The following CD74 variants were observed in gnomAD, a reference collection of about 807,000 sequenced individuals.
CD74 encodes the protein HLA class II histocompatibility antigen gamma chain.
CD74 carries 20 observed loss-of-function variants against 37.1 expected under a neutral mutation model. The observed-to-expected ratio is 0.54, with a 90% CI of 0.38 to 0.78. The LOEUF (loss-of-function observed/expected upper bound fraction) is 0.78. Ranked by LOEUF, CD74 falls within the 30% of genes least tolerant of loss-of-function variation. The pLI, the probability that CD74 is intolerant of heterozygous loss-of-function variation, is 0.00. For synonymous variants in CD74, 150 were observed against 152.0 expected, an observed-to-expected ratio of 0.99 and a Z score of 0.10; for missense variants, 338 against 389.5, an observed-to-expected ratio of 0.87 and a Z score of 1.11.
rs1451511718 is a variant in CD74 at position 150,402,986 on chromosome 5, G to C, written c.817+135C>G. Reference sequence around the variant, plus strand: ...TGGGTGGATGGATAAAGGGCTGGACGCATGACTACGTCACTGCCCCCAGGA... The same window carrying C: ...TGGGTGGATGGATAAAGGGCTGGACCCATGACTACGTCACTGCCCCCAGGA... On this transcript the variant is annotated intron_variant, in intron 7 of 8. Transcript: ENST00000009530. The surrounding 1 kb of genome is among the most constrained non-coding windows in gnomAD (Gnocchi z 4.2). The C allele has an allele frequency of 5.9e-6, 4 of 677,804 alleles. No homozygotes were observed. The highest frequency in any genetic ancestry group is 1.0e-5 in the Non-Finnish European group (4 of 395,466). The allele number at this position is 677,804 out of a possible 1,614,324, so 42.0% of individuals were successfully genotyped here. A position where few individuals can be genotyped will look rare whatever the true frequency, so the allele number is the denominator to read the frequency against.
rs748484378 is a variant in CD74 at position 150,403,329 on chromosome 5, G to A, written c.626-17C>T. 1 of 1,611,612 alleles carries A rather than the reference G, an allele frequency of 6.2e-7. No homozygotes were observed. Among genetic ancestry groups the A allele is most frequent in the Admixed American group, 1.7e-5 (1 of 60,030 alleles). ...TGGTCAGTACTGAAGCGACAGGCAT[G>A]ATGAGGACACAGTGAGTGAGTGAGC... is the stretch of plus-strand genomic sequence containing the variant. On this transcript the variant is annotated splice_polypyrimidine_tract_variant and intron_variant, in intron 6 of 8. Transcript: ENST00000009530. The surrounding 1 kb of genome is among the most constrained non-coding windows in gnomAD (Gnocchi z 4.5).
At position 150,403,374 on chromosome 5, in the gene CD74, A is replaced by G; in HGVS notation, c.626-62T>C. On this transcript the variant is annotated intron_variant, in intron 6 of 8. Transcript: ENST00000009530. This position sits in a 1 kb window ranked among gnomAD's most constrained non-coding sequence, Gnocchi z 4.5. Reference sequence around the variant, plus strand: ...GTGAGCTCTGAACCAGGGTCTGAGCAGAGCTAAAGACCCACACACCACTGC... The same window carrying G: ...GTGAGCTCTGAACCAGGGTCTGAGCGGAGCTAAAGACCCACACACCACTGC... The G allele has an allele frequency of 7.0e-7, 1 of 1,433,366 alleles. No individual in the cohort carries two copies. Among genetic ancestry groups the G allele is most frequent in the Non-Finnish European group, 9.8e-7 (1 of 1,017,512 alleles). 88.8% of individuals were successfully genotyped at this position (1,433,366 alleles called of 1,614,324 possible).
chr5:150,409,804 G>C (rs1488533810), intron 1 of CD74, among the ~76,000 whole-genome samples: 1 of 150,000 alleles, frequency 6.7e-6, no homozygotes, highest in Non-Finnish European at 1.5e-5. Context: ...ATATTACGCA[G>C]TCTGTGGTAT....
In CD74 at chr5:150,407,114, G is replaced by A. The variant is rs777087097; in HGVS notation, c.298+38C>T. Reference sequence around the variant, plus strand: ...GCGGGTCTCTGAGTTGAGGGATGGTGGGAGGTGGGGGGTATCAGGATGTAG... The same window carrying A: ...GCGGGTCTCTGAGTTGAGGGATGGTAGGAGGTGGGGGGTATCAGGATGTAG... On this transcript the variant is annotated intron_variant, in intron 2 of 8. Coordinates refer to ENST00000009530, the MANE Select transcript of CD74 (RefSeq NM_001025159.3). The surrounding 1 kb of genome is among the most constrained non-coding windows in gnomAD (Gnocchi z 4.4). The A allele has an allele frequency of 1.9e-6, 3 of 1,598,174 alleles. No individual in the cohort carries two copies. Among genetic ancestry groups the A allele is most frequent in the Non-Finnish European group, 2.6e-6 (3 of 1,167,858 alleles).
rs539220855 is a variant in CD74 at position 150,412,055 on chromosome 5, C to G, written c.125+570G>C. On this transcript the variant is annotated intron_variant, in intron 1 of 8. Transcript: ENST00000009530. ...TCTTGGCTCACTGCAACCTCTGCCT[C>G]CCAGGTTGAAGTGATTCTCATGTCT... Among the ~76,000 whole-genome samples the G allele has an allele frequency of 2.6e-5, 4 of 152,278 alleles. No individual in the cohort carries two copies. In the East Asian group the frequency reaches 5.8e-4, roughly 22 times the overall value.
chr5:150,407,304 A>G lies in CD74; in HGVS notation c.146T>C (p.Leu49Pro), dbSNP rs762175961. 2.5e-6 allele frequency: 4 copies of G among 1,610,520 alleles called. No homozygotes were observed. In the South Asian group the frequency reaches 3.3e-5, roughly 13 times the overall value. ...APESKCSRGA[L>P]YTGFSILVTL... is the part of the protein sequence containing the mutation. ...CACCAGGATGGAAAAGCCTGTGTAC[A>G]GGGCTCCGCGGCTGCACTTGCTGTG... is the stretch of plus-strand genomic sequence containing the variant. Residue 49 changes from leucine (L) to proline (P), a missense_variant, in exon 2 of 9, where the codon CTG (leucine) becomes CCG (proline). By Grantham distance (98) the Leu-to-Pro change is moderately conservative (BLOSUM62 -3). Transcript: ENST00000009530. This position sits in a 1 kb window ranked among gnomAD's most constrained non-coding sequence, Gnocchi z 4.4.
rs2151167786 is a variant in CD74 at position 150,402,692 on chromosome 5, G to T, written c.818-67C>A. The T allele has an allele frequency of 7.3e-7, 1 of 1,370,598 alleles. No homozygotes were observed. The highest frequency in any genetic ancestry group is 1.0e-6 in the Non-Finnish European group (1 of 983,344). The allele number at this position is 1,370,598 out of a possible 1,614,324, so 84.9% of individuals were successfully genotyped here. A position where few individuals can be genotyped will look rare whatever the true frequency, so the allele number is the denominator to read the frequency against. On this transcript the variant is annotated intron_variant, in intron 7 of 8. Coordinates refer to ENST00000009530, the MANE Select transcript of CD74 (RefSeq NM_001025159.3). The surrounding 1 kb of genome is among the most constrained non-coding windows in gnomAD (Gnocchi z 4.2). ...CCTACCTGACCCAAGATGCCTGAGG[G>T]CAGTGCTTCCCACCTAGCCACAGGC...
rs754031850 is a variant in CD74 at position 150,402,604 on chromosome 5, G to A, written c.839C>T (p.Pro280Leu). 25 of 1,612,360 alleles carry A rather than the reference G, an allele frequency of 1.6e-5. No individual in the cohort carries two copies. The highest frequency in any genetic ancestry group is 8.0e-5 in the African/African-American group (6 of 74,846). ...NCSESLELEDPSSGLGVTKQD... is the reference protein window; with the variant it reads ...NCSESLELEDLSSGLGVTKQD... Reference sequence around the variant, plus strand: ...CTTGGTCACACCCAGCCCAGAAGACGGGTCCTCCAGTTCCAGTGACTCTGC... The same window carrying A: ...CTTGGTCACACCCAGCCCAGAAGACAGGTCCTCCAGTTCCAGTGACTCTGC... The change falls in exon 8 of 9, where the codon CCG (proline) becomes CTG (leucine). Residue 280 changes from proline (P) to leucine (L), a missense_variant. Transcript: ENST00000009530. The surrounding 1 kb of genome is among the most constrained non-coding windows in gnomAD (Gnocchi z 4.2).
At chr5:150,405,966 T>G in intron 4 of CD74, 1 of 266,704 alleles carries the variant, frequency 3.7e-6, no homozygotes. Flanking sequence ...GTAGAGACTT[T>G]CACTATGTTG....
Position 150,407,038 on chromosome 5 carries a change from G to A in CD74, c.299-78C>T. On this transcript the variant is annotated intron_variant, in intron 2 of 8. Coordinates refer to ENST00000009530, the MANE Select transcript of CD74 (RefSeq NM_001025159.3). The surrounding 1 kb of genome is among the most constrained non-coding windows in gnomAD (Gnocchi z 4.4). ...TATCAGACCCAGATGAGGAAGGGCT[G>A]GAATTCCAAACCGGAGGGAGAGGAC... The A allele has an allele frequency of 1.3e-6, 2 of 1,534,494 alleles. No homozygotes were observed. The highest frequency in any genetic ancestry group is 1.8e-6 in the Non-Finnish European group (2 of 1,122,326).
Position 150,403,718 on chromosome 5 carries a change from G to A in CD74, c.626-406C>T, listed in dbSNP as rs1769780188. Among the ~76,000 whole-genome samples the A allele has an allele frequency of 6.6e-6, 1 of 152,170 alleles. No individual in the cohort carries two copies. The highest frequency in any genetic ancestry group is 2.1e-4 in the South Asian group (1 of 4,826). ...TACTAAAAATACAAAAATTAGCTGG[G>A]CGTGGTGGCACATGCCTATAATCCC... is the stretch of plus-strand genomic sequence containing the variant. On this transcript the variant is annotated intron_variant, in intron 6 of 8. Coordinates refer to ENST00000009530, the MANE Select transcript of CD74 (RefSeq NM_001025159.3). The surrounding 1 kb of genome is among the most constrained non-coding windows in gnomAD (Gnocchi z 4.5).
chr5:150,404,954 T>A, intron 5 of CD74, 131 bp downstream of exon 5: 1 of 943,872 alleles, frequency 1.1e-6, no homozygotes, highest in Middle Eastern at 2.2e-4. Context: ...GCATCCAGGT[T>A]TTGGAAGTGC....
chr5:150,404,574 C>G lies in CD74; in HGVS notation c.625+106G>C, dbSNP rs573158553. The G allele has an allele frequency of 1.2e-4, 76 of 649,260 alleles. No individual in the cohort carries two copies. The African/African-American group carries it at 1.2e-3, about 11-fold the overall frequency. The allele number at this position is 649,260 out of a possible 1,614,324, so 40.2% of individuals were successfully genotyped here. ...GTGAGAGCTGAGAGGATGGGAGATT[C>G]CGCGGTGCTGGGACCAGGGAGTGCT... On this transcript the variant is annotated intron_variant, in intron 6 of 8. Transcript: ENST00000009530.
At chr5:150,408,833 G>A (rs189243162) in intron 1 of CD74, among the ~76,000 whole-genome samples, 12 of 152,322 alleles carry the variant, frequency 7.9e-5, no homozygotes, top group East Asian at 7.7e-4. Context: ...TCTCCCTCAC[G>A]AATGGGATTA....
In CD74 at chr5:150,410,249, C is replaced by G. The variant is rs13361802; in HGVS notation, c.125+2376G>C. On this transcript the variant is annotated intron_variant, in intron 1 of 8. Coordinates refer to ENST00000009530, the MANE Select transcript of CD74 (RefSeq NM_001025159.3). ...TAGCCCCAGCTCTACCTCCCACACA[C>G]GACATGGGACAGTACCTTCCCCTCT... Among the ~76,000 whole-genome samples the G allele has an allele frequency of 3.1e-3, 469 of 152,264 alleles. 1 individual carries two copies. The highest frequency in any genetic ancestry group is 0.011 in the African/African-American group (447 of 41,538).
chr5:150,409,531 A>G (rs533340031), intron 1 of CD74, among the ~76,000 whole-genome samples: 1 of 151,716 alleles, frequency 6.6e-6, no homozygotes, highest in South Asian at 2.1e-4. Context: ...CATCTCAAAA[A>G]AAAAAGAAAA....
At position 150,402,713 on chromosome 5, in the gene CD74, C is replaced by T. The variant is rs533503670; in HGVS notation, c.818-88G>A. 1 of 1,135,630 alleles carries T rather than the reference C, an allele frequency of 8.8e-7. No individual in the cohort carries two copies. The highest frequency in any genetic ancestry group is 2.4e-5 in the East Asian group (1 of 42,260). The allele number at this position is 1,135,630 out of a possible 1,614,324, so 70.3% of individuals were successfully genotyped here. A position where few individuals can be genotyped will look rare whatever the true frequency, so the allele number is the denominator to read the frequency against. ...GAGGGCAGTGCTTCCCACCTAGCCA[C>T]AGGCTTAGTGCCTGGGAAAGCAGGT... On this transcript the variant is annotated intron_variant, in intron 7 of 8. Transcript: ENST00000009530. This position sits in a 1 kb window ranked among gnomAD's most constrained non-coding sequence, Gnocchi z 4.2.
rs938675800 is a variant in CD74 at position 150,407,097 on chromosome 5, C to G, written c.298+55G>C. 9.4e-6 allele frequency: 15 copies of G among 1,590,500 alleles called. No individual in the cohort carries two copies. Among genetic ancestry groups the G allele is most frequent in the Non-Finnish European group, 1.3e-5 (15 of 1,162,362 alleles). On this transcript the variant is annotated intron_variant, in intron 2 of 8. Coordinates refer to ENST00000009530, the MANE Select transcript of CD74 (RefSeq NM_001025159.3). This position sits in a 1 kb window ranked among gnomAD's most constrained non-coding sequence, Gnocchi z 4.4. ...CAGCTGGGTGCAGGGATGCGGGTCT[C>G]TGAGTTGAGGGATGGTGGGAGGTGG... is the stretch of plus-strand genomic sequence containing the variant.
chr5:150,408,315 T>C (rs1416868703), intron 1 of CD74, among the ~76,000 whole-genome samples: 5 of 152,116 alleles, frequency 3.3e-5, no homozygotes, highest in African/African-American at 1.2e-4. Context: ...AATGTCAGGC[T>C]GAAGCAGGGC....
Sources: allele counts gnomAD v4.1 joint callset (sites outside exome capture counted in the v4.1 genomes callset), GRCh38; gene constraint gnomAD v4.1.1; non-coding constraint Gnocchi (gnomAD v3.1); transcripts MANE v1.5; gene names NCBI Gene and HGNC (gene_info 2026-07-23, HGNC 2026-07-21).